DOCK8: variants seen among roughly 807,000 people sequenced by gnomAD.
DOCK8 encodes the protein dedicator of cytokinesis 8, also known as dedicator of cytokinesis protein 8.
A neutral mutation model predicts 245.6 loss-of-function variants in DOCK8; 141 were observed. The observed-to-expected ratio is 0.57, with a 90% CI of 0.50 to 0.66. DOCK8 has a LOEUF of 0.66. Ranked by LOEUF, DOCK8 falls within the 30% of genes least tolerant of loss-of-function variation. The pLI is 0.00. For synonymous variants in DOCK8, 1,168 were observed against 970.2 expected, an observed-to-expected ratio of 1.20 and a Z score of -3.79; for missense variants, 2,965 against 2,603.4, an observed-to-expected ratio of 1.14 and a Z score of -3.02.
At chr9:233,797 A>C (rs2047179743) in intron 1 of DOCK8, among the ~76,000 whole-genome samples, 1 of 151,808 alleles carries the variant, frequency 6.6e-6, no homozygotes, top group Non-Finnish European at 1.5e-5. Flanking sequence ...GTGTCTCTGC[A>C]CGTGAGATGG....
chr9:386,366 T>C lies in DOCK8; in HGVS notation c.2814T>C (p.Tyr938=). 6.2e-7 allele frequency: 1 copy of C among 1,613,988 alleles called. No individual in the cohort carries two copies. The highest frequency in any genetic ancestry group is 8.5e-7 in the Non-Finnish European group (1 of 1,179,884). Residue 938 remains tyrosine (Y), a synonymous_variant, in exon 23 of 48, where the codon TAT becomes TAC. Transcript: ENST00000432829. ...ADRNCSRMSY[Y]CSGSSDAPSS... ...GCAACTGCAGCCGAATGTCTTACTATTGCTCTGGCAGTAGTGATGCTCCAA... is the reference window on the plus strand; with the variant it reads ...GCAACTGCAGCCGAATGTCTTACTACTGCTCTGGCAGTAGTGATGCTCCAA...
intron 24 of DOCK8, among the ~76,000 whole-genome samples, chr9:392,781 A>C (rs1554689535): frequency 6.6e-6 from 1 of 152,152 alleles, no homozygotes; most frequent in South Asian, 2.1e-4. Context: ...GGACTGGGCC[A>C]TAAGACCCAT....
At chr9:293,897 G>A (rs2049148410) in intron 4 of DOCK8, among the ~76,000 whole-genome samples, 1 of 152,182 alleles carries the variant, frequency 6.6e-6, no homozygotes, top group Non-Finnish European at 1.5e-5. Flanking sequence ...CAAGTAATAT[G>A]GAGGTGCATT....
At chr9:284,742 C>A (rs478152) in intron 2 of DOCK8, among the ~76,000 whole-genome samples, 4 of 152,086 alleles carry the variant, frequency 2.6e-5, no homozygotes, top group African/African-American at 9.6e-5. Flanking sequence ...TACATATACA[C>A]CATGGAATAC....
intron 14 of DOCK8, among the ~76,000 whole-genome samples, chr9:352,499 T>G (rs1049441410): frequency 2.0e-5 from 3 of 152,044 alleles, no homozygotes; most frequent in African/African-American, 7.2e-5. Flanking sequence ...ATCCCTGCAC[T>G]TTGGGAGGCC....
chr9:316,980 A>T, intron 6 of DOCK8, 63 bp from the exon 7 acceptor site: 1 of 1,325,440 alleles, frequency 7.5e-7, no homozygotes, highest in South Asian at 1.2e-5. Flanking sequence ...TCCCTGGGTT[A>T]ACTCTAATTG....
In DOCK8 at chr9:439,356, C is replaced by T. The variant is rs2057011368; in HGVS notation, c.5191C>T (p.Leu1731Phe). The change falls in exon 40 of 48, where the codon CTC becomes TTC. Residue 1731 changes from leucine (L) to phenylalanine (F), a missense_variant. Physicochemically the swap from Leu to Phe is conservative, Grantham distance 22 (BLOSUM62 0). Coordinates refer to ENST00000432829, the MANE Select transcript of DOCK8 (RefSeq NM_203447.4). ...QYFTESGLVG[L>F]LEQAAELFST... is the part of the protein sequence containing the mutation. ...CTTCACCGAGAGTGGCCTGGTAGGC[C>T]TCCTGGAGCAGGCCGCGGAGCTCTT... is the stretch of plus-strand genomic sequence containing the variant. 6.2e-7 allele frequency: 1 copy of T among 1,614,026 alleles called. No homozygotes were observed. The highest frequency in any genetic ancestry group is 1.1e-5 in the South Asian group (1 of 91,072).
intron 24 of DOCK8, among the ~76,000 whole-genome samples, chr9:394,327 G>A (rs558029318): frequency 2.7e-4 from 41 of 152,318 alleles, no homozygotes; most frequent in African/African-American, 9.6e-4. Context: ...AACTTTGCAA[G>A]GAAATTGATC....
At chr9:396,659 C>T in intron 24 of DOCK8, 126 bp from the exon 25 acceptor site, 1 of 1,338,452 alleles carries the variant, frequency 7.5e-7, no homozygotes, top group African/African-American at 1.4e-5. Flanking sequence ...CGGGCACCAC[C>T]AGCACAGATA....
At chr9:431,016 G>A (rs1382836172) in intron 36 of DOCK8, among the ~76,000 whole-genome samples, 1 of 149,682 alleles carries the variant, frequency 6.7e-6, no homozygotes, top group Non-Finnish European at 1.5e-5. Flanking sequence ...GGGATTACAG[G>A]CACGAGCCAC....
In DOCK8 at chr9:312,342, T is replaced by C. The variant is rs149770687; in HGVS notation, c.741+176T>C. On this transcript the variant is annotated intron_variant, in intron 6 of 47. Transcript: ENST00000432829. ...CCTGTGTGTCATAGCAGAGCCATTATTGATTATCACACAGATGGGATTCTG... is the reference window on the plus strand; with the variant it reads ...CCTGTGTGTCATAGCAGAGCCATTACTGATTATCACACAGATGGGATTCTG... 4.6e-3 allele frequency: 3,445 copies of C among 749,216 alleles called. 86 individuals carry two copies. In the African/African-American group the frequency reaches 0.047, roughly 10 times the overall value. The allele number at this position is 749,216 out of a possible 1,614,324, so 46.4% of individuals were successfully genotyped here.
intron 24 of DOCK8, among the ~76,000 whole-genome samples, chr9:395,301 A>G (rs1347813183): frequency 1.3e-5 from 2 of 152,168 alleles, no homozygotes; most frequent in East Asian, 1.9e-4. Flanking sequence ...GTCTGAAAAC[A>G]TGAAACACAT....
At chr9:400,662 C>T (rs868193474) in intron 26 of DOCK8, among the ~76,000 whole-genome samples, 22 of 107,882 alleles carry the variant, frequency 2.0e-4, no homozygotes, top group Non-Finnish European at 3.3e-4. Flanking sequence ...ACCTCCACCA[C>T]CACCAGCATC....
In DOCK8 at chr9:442,021, G is replaced by A. The variant is rs777341574; in HGVS notation, c.5490+12G>A. The A allele has an allele frequency of 4.1e-5, 66 of 1,613,634 alleles. No homozygotes were observed. The highest frequency in any genetic ancestry group is 5.3e-5 in the Non-Finnish European group (62 of 1,179,996). ...CACATAGACTAGAGGTAAGAAAAGT[G>A]ATTCTGTGCGCCTGACCTGGTACAC... On this transcript the variant is annotated intron_variant, in intron 42 of 47. Transcript: ENST00000432829.
At chr9:336,840 C>T in intron 12 of DOCK8, 122 bp downstream of exon 12, 1 of 1,142,668 alleles carries the variant, frequency 8.8e-7, no homozygotes, top group Non-Finnish European at 1.3e-6. Flanking sequence ...TCTCTTAGTT[C>T]ATTTTCTGCT....
intron 28 of DOCK8, among the ~76,000 whole-genome samples, chr9:412,301 A>C (rs2055769028): frequency 6.7e-6 from 1 of 149,554 alleles, no homozygotes; most frequent in African/African-American, 2.5e-5. Flanking sequence ...GCTACTTGGG[A>C]GGTTGAGGCT....
intron 28 of DOCK8, among the ~76,000 whole-genome samples, chr9:407,787 A>G (rs529563423): frequency 6.6e-6 from 1 of 152,332 alleles, no homozygotes; most frequent in Non-Finnish European, 1.5e-5. Context: ...TCCATGGGAC[A>G]GACACAGTTA....
intron 6 of DOCK8, among the ~76,000 whole-genome samples, chr9:316,778 ATGTTCACATT>A (rs1420606104): frequency 1.3e-5 from 2 of 152,224 alleles, no homozygotes; most frequent in Non-Finnish European, 2.9e-5. Flanking sequence ...AGCCATATCC[ATGTTCACATT>A]TCCTTCCTTC....
chr9:382,605 G>A lies in DOCK8; in HGVS notation c.2698G>A (p.Val900Met), dbSNP rs771313845. ...AVSSKLLQAR[V>M]MSSSNPDLAG... is the part of the protein sequence containing the mutation. ...GAGTTCAAAGCTGCTGCAGGCCCGGGTGATGAGCAGCAGTAACCCAGACCT... is the reference window on the plus strand; with the variant it reads ...GAGTTCAAAGCTGCTGCAGGCCCGGATGATGAGCAGCAGTAACCCAGACCT... Residue 900 changes from valine (V) to methionine (M), a missense_variant, in exon 22 of 48, where the codon GTG becomes ATG. Around this residue, in one of 3 missense-constraint regions of DOCK8, gnomAD observed 2,825 missense variants for 2,453.5 expected, o/e 1.15. Coordinates refer to ENST00000432829, the MANE Select transcript of DOCK8 (RefSeq NM_203447.4). 1.2e-6 allele frequency: 2 copies of A among 1,614,160 alleles called. No homozygotes were observed.
Sources: gnomAD v4.1 joint callset for allele counts (sites outside exome capture counted in the v4.1 genomes callset) on GRCh38, gnomAD v4.1.1 for gene constraint, gnomAD v4.1.1 regional missense constraint, MANE v1.5 for transcripts, NCBI Gene and HGNC (gene_info 2026-07-23, HGNC 2026-07-21) for gene names.